Variants in RELL1 observed in about 807,000 individuals in gnomAD.
RELL1 encodes the protein RELT-like protein 1.
Under a neutral mutation model 23.0 loss-of-function variants are expected in RELL1, and 10 were observed. The observed-to-expected ratio is 0.43, with a 90% CI of 0.27 to 0.74. The LOEUF (loss-of-function observed/expected upper bound fraction) is 0.74. Ranked by LOEUF, RELL1 falls within the 30% of genes least tolerant of loss-of-function variation. RELL1 has a pLI of 0.19. For synonymous variants in RELL1, 146 were observed against 146.8 expected, an observed-to-expected ratio of 0.99 and a Z score of 0.04; for missense variants, 315 against 364.4, an observed-to-expected ratio of 0.86 and a Z score of 1.10.
chr4:37,627,255 C>T (rs1278119043), intron 6 of RELL1, among the ~76,000 whole-genome samples: 1 of 152,074 alleles, frequency 6.6e-6, no homozygotes, highest in Non-Finnish European at 1.5e-5. Context: ...GCGAATGGAA[C>T]AAAAGAGGGC....
At chr4:37,588,654 T>C (rs892982123), downstream of RELL1, 4 of 542,940 alleles carry the variant, frequency 7.4e-6, no homozygotes, top group African/African-American at 7.6e-5. Flanking sequence ...GTTTGAGAAC[T>C]CTGAAGCGGT....
downstream of RELL1, among the ~76,000 whole-genome samples, chr4:37,609,896 G>A (rs1719322663): frequency 6.6e-6 from 1 of 152,216 alleles, no homozygotes; most frequent in Admixed American, 6.5e-5. Flanking sequence ...TGGTGAAGAT[G>A]CTGTGAACAC....
At chr4:37,592,743 G>C (rs1054913818) in intron 6 of RELL1, among the ~76,000 whole-genome samples, 1 of 151,808 alleles carries the variant, frequency 6.6e-6, no homozygotes, top group African/African-American at 2.4e-5. Context: ...TGTAAAGTGA[G>C]AAGAATAATT....
intron 1 of RELL1, among the ~76,000 whole-genome samples, chr4:37,681,068 T>G (rs1722203921): frequency 6.6e-6 from 1 of 152,074 alleles, no homozygotes; most frequent in Non-Finnish European, 1.5e-5. Context: ...TTTGGGGAAA[T>G]TTTCCAAAAA....
At chr4:37,676,655 G>T (rs1722032089) in intron 1 of RELL1, among the ~76,000 whole-genome samples, 1 of 152,108 alleles carries the variant, frequency 6.6e-6, no homozygotes, top group African/African-American at 2.4e-5. Flanking sequence ...TTCTGCCTTT[G>T]GAGCAATTTG....
intron 1 of RELL1, among the ~76,000 whole-genome samples, chr4:37,654,704 G>A (rs7658779): frequency 0.55 from 83,888 of 151,982 alleles, 23,334 homozygotes; most frequent in South Asian, 0.64. Context: ...CAATGAGATA[G>A]TAAAAACATA....
Position 37,636,435 on chromosome 4 carries a change from A to G in RELL1, c.444-1312T>C, listed in dbSNP as rs898585103. Among the ~76,000 whole-genome samples, 5 of 152,138 alleles carry G rather than the reference A, an allele frequency of 3.3e-5. 1 individual carries two copies. In the Middle Eastern group the frequency reaches 0.01, roughly 310 times the overall value. On this transcript the variant is annotated intron_variant, in intron 4 of 6. Coordinates refer to ENST00000454158, the MANE Select transcript of RELL1 (RefSeq NM_001085400.2). ...ACAATGAAACCCCATCTCTACTAAA[A>G]ATACAAAAAATTAGCCGGGGGTGGT... is the stretch of plus-strand genomic sequence containing the variant.
intron 1 of RELL1, among the ~76,000 whole-genome samples, chr4:37,680,697 G>A (rs978273166): frequency 6.6e-6 from 1 of 152,282 alleles, no homozygotes; most frequent in African/African-American, 2.4e-5. Flanking sequence ...GGGAGGCCGA[G>A]GCGGGCGGAT....
chr4:37,607,439 C>G (rs1392677395), downstream of RELL1, among the ~76,000 whole-genome samples: 1 of 152,202 alleles, frequency 6.6e-6, no homozygotes, highest in Non-Finnish European at 1.5e-5. Context: ...AGGCATACCT[C>G]ATTTTATTGC....
chr4:37,631,893 G>A (rs1194190365), intron 5 of RELL1, among the ~76,000 whole-genome samples: 1 of 151,780 alleles, frequency 6.6e-6, no homozygotes, highest in African/African-American at 2.4e-5. Flanking sequence ...CAGACTGGGT[G>A]TATGGCAAAA....
At chr4:37,595,210 A>G (rs1168176210) in intron 6 of RELL1, among the ~76,000 whole-genome samples, 2 of 152,186 alleles carry the variant, frequency 1.3e-5, no homozygotes, top group Non-Finnish European at 2.9e-5. Flanking sequence ...TAGATTTACT[A>G]AATTTGTAAG....
chr4:37,592,078 G>A (rs1470739877), intron 6 of RELL1, among the ~76,000 whole-genome samples: 1 of 151,808 alleles, frequency 6.6e-6, no homozygotes. Flanking sequence ...CACGGTGGCG[G>A]GCGCCTGTAA....
At chr4:37,592,263 T>C (rs367544040) in intron 6 of RELL1, among the ~76,000 whole-genome samples, 20 of 142,216 alleles carry the variant, frequency 1.4e-4, no homozygotes, top group African/African-American at 4.5e-4. Flanking sequence ...ATGTCTGTAA[T>C]CTGAGCACTT....
intron 6 of RELL1, among the ~76,000 whole-genome samples, chr4:37,592,484 C>A (rs1454917621): frequency 6.6e-6 from 1 of 152,152 alleles, no homozygotes; most frequent in Non-Finnish European, 1.5e-5. Context: ...CCTGATCTTA[C>A]CTCAAAGATG....
At chr4:37,659,592 T>A (rs1013312351) in intron 1 of RELL1, among the ~76,000 whole-genome samples, 42 of 152,118 alleles carry the variant, frequency 2.8e-4, no homozygotes, top group African/African-American at 3.6e-4. Flanking sequence ...TTCATCCACC[T>A]TTGCCACCAG....
intron 1 of RELL1, among the ~76,000 whole-genome samples, chr4:37,670,575 C>CTT (rs760432733): frequency 4.8e-5 from 7 of 145,192 alleles, no homozygotes; most frequent in African/African-American, 1.5e-4. Context: ...CCCACTAAAT[C>CTT]TTTTTTTTTT....
At chr4:37,602,549 C>G (rs192802104) in intron 6 of RELL1, among the ~76,000 whole-genome samples, 8 of 152,096 alleles carry the variant, frequency 5.3e-5, no homozygotes, top group African/African-American at 1.7e-4. Flanking sequence ...GTGTGCTGGA[C>G]CAGTCACAGC....
intron 1 of RELL1, among the ~76,000 whole-genome samples, chr4:37,681,280 C>T (rs1214345149): frequency 2.6e-5 from 4 of 152,082 alleles, no homozygotes; most frequent in East Asian, 3.8e-4. Context: ...GTTTAAATGA[C>T]GTAATATAAA....
At chr4:37,649,637 C>G in intron 1 of RELL1, 137 bp from the exon 2 acceptor site, 1 of 706,674 alleles carries the variant, frequency 1.4e-6, no homozygotes, top group Non-Finnish European at 2.4e-6. Flanking sequence ...GGTCCAGCTG[C>G]ACAGGCAAAA....
Sources: allele counts gnomAD v4.1 joint callset (sites outside exome capture counted in the v4.1 genomes callset), GRCh38; gene constraint gnomAD v4.1.1; transcripts MANE v1.5; gene names NCBI Gene and HGNC (gene_info 2026-07-23, HGNC 2026-07-21).